The following HOXA2 variants were observed in gnomAD, a reference collection of about 807,000 sequenced individuals.
HOXA2 encodes the protein homeobox protein Hox-A2.
In HOXA2, 4 loss-of-function variants were observed where a neutral mutation model predicts 27.2. That is an observed-to-expected ratio of 0.15 (90% CI 0.07 to 0.34). The LOEUF (loss-of-function observed/expected upper bound fraction) is 0.34. Among genes scored for constraint, HOXA2 ranks in the 10% least tolerant of loss-of-function variants. The pLI, the probability that HOXA2 is intolerant of heterozygous loss-of-function variation, is 1.00. For synonymous variants in HOXA2, 200 were observed against 202.8 expected (o/e 0.99, Z 0.12); for missense variants, 430 against 473.2 (o/e 0.91, Z 0.85).
At position 27,100,371 on chromosome 7, in the gene HOXA2, A is replaced by G; in HGVS notation, c.*355T>C. 4.3e-6 allele frequency: 1 copy of G among 230,426 alleles called. No individual in the cohort carries two copies. The highest frequency in any genetic ancestry group is 8.6e-6 in the Non-Finnish European group (1 of 116,020). The allele number at this position is 230,426 out of a possible 1,614,324, so 14.3% of individuals were successfully genotyped here. A position where few individuals can be genotyped will look rare whatever the true frequency, so the allele number is the denominator to read the frequency against. On this transcript the variant is annotated 3_prime_UTR_variant, in exon 2 of 2. Coordinates refer to ENST00000222718, the MANE Select transcript of HOXA2 (RefSeq NM_006735.4). ...AAATAAGCTACTTATAGCAAAGGAGAATTTATTCTACAAAAAATATGCATG... is the reference window on the plus strand; with the variant it reads ...AAATAAGCTACTTATAGCAAAGGAGGATTTATTCTACAAAAAATATGCATG...
rs773679395 is a variant in HOXA2 at position 27,101,179 on chromosome 7, GTCC to G, written c.675_677del (p.Glu225del). 8 of 1,614,036 alleles carry G rather than the reference GTCC, an allele frequency of 5.0e-6. No individual in the cohort carries two copies. Among genetic ancestry groups the G allele is most frequent in the Middle Eastern group, 1.6e-4 (1 of 6,062 alleles). On this transcript the variant is annotated inframe_deletion, in exon 2 of 2. Coordinates refer to ENST00000222718, the MANE Select transcript of HOXA2 (RefSeq NM_006735.4). The stretch of plus-strand genomic sequence containing the variant: ...GCTCAAAGAGCGTCTTCTCTTCCTC[GTCC>G]TCCTCTACTTTCTCGGAGTCCTCAA...
In HOXA2 at chr7:27,101,229, T is replaced by A. The variant is rs2128034946; in HGVS notation, c.628A>T (p.Ser210Cys). 2.5e-6 allele frequency: 4 copies of A among 1,614,232 alleles called. No individual in the cohort carries two copies. In the East Asian group the frequency reaches 8.9e-5, roughly 36 times the overall value. The stretch of plus-strand genomic sequence containing the variant: ...TCAAGGCTTTTACATTTCCCTTCGC[T>A]GTTTTGGTTTTCCTTGCACTGGGTC... ...RQTQCKENQN[S>C]EGKCKSLEDS... The change falls in exon 2 of 2, where the codon AGC (serine) becomes TGC (cysteine). Residue 210 changes from serine (S) to cysteine (C), a missense_variant. Coordinates refer to ENST00000222718, the MANE Select transcript of HOXA2 (RefSeq NM_006735.4).
intron 1 of HOXA2, 108 bp from the exon 2 acceptor site, chr7:27,101,573 C>A: frequency 7.6e-7 from 1 of 1,313,916 alleles, no homozygotes; most frequent in Non-Finnish European, 1.1e-6. Flanking sequence ...TCAACTGCAA[C>A]AAAATGGCCG....
intron 1 of HOXA2, chr7:27,101,685 C>A (rs992018727): frequency 6.0e-6 from 4 of 666,146 alleles, no homozygotes; most frequent in South Asian, 1.7e-5. Context: ...GTGGCTCCCC[C>A]CAACCTCTTC....
chr7:27,102,403 T>C lies in HOXA2; in HGVS notation c.98A>G (p.Gln33Arg). The C allele has an allele frequency of 6.2e-7, 1 of 1,614,112 alleles. No individual in the cohort carries two copies. Among genetic ancestry groups the C allele is most frequent in the South Asian group, 1.1e-5 (1 of 91,084 alleles). The change falls in exon 1 of 2, where the codon CAA becomes CGA. Residue 33 changes from glutamine to arginine, a missense_variant. By Grantham distance (43) the Gln-to-Arg change is conservative (BLOSUM62 1). Around this residue, in one of 4 missense-constraint regions of HOXA2, gnomAD observed 166 missense variants for 207.6 expected, o/e 0.80. Coordinates refer to ENST00000222718, the MANE Select transcript of HOXA2 (RefSeq NM_006735.4). The surrounding 1 kb of genome is among the most constrained non-coding windows in gnomAD (Gnocchi z 4.6). ...TSFPPVADTFQSSSIKTSTLS... is the reference protein window; with the variant it reads ...TSFPPVADTFRSSSIKTSTLS... ...CGTCGAGGTCTTGATTGATGAACTTTGAAATGTATCAGCGACAGGGGGAAA... is the reference window on the plus strand; with the variant it reads ...CGTCGAGGTCTTGATTGATGAACTTCGAAATGTATCAGCGACAGGGGGAAA...
At position 27,101,309 on chromosome 7, in the gene HOXA2, G is replaced by T; in HGVS notation, c.548C>A (p.Thr183Asn). The T allele has an allele frequency of 6.2e-7, 1 of 1,614,132 alleles. No individual in the cohort carries two copies. The highest frequency in any genetic ancestry group is 1.6e-4 in the Middle Eastern group (1 of 6,062). ...RVEIAALLDL[T>N]ERQVKVWFQN... ...AAACCACACTTTCACTTGTCTCTCA[G>T]TCAAATCCAGCAGCGCTGCAATCTC... The change falls in exon 2 of 2, where the codon ACT becomes AAT. Residue 183 changes from threonine (T) to asparagine (N), a missense_variant. By Grantham distance (65) the Thr-to-Asn change is moderately conservative. Coordinates refer to ENST00000222718, the MANE Select transcript of HOXA2 (RefSeq NM_006735.4).
In HOXA2 at chr7:27,101,197, G is replaced by C. The variant is rs762305952; in HGVS notation, c.660C>G (p.Ser220=). 8.5e-5 allele frequency: 137 copies of C among 1,613,962 alleles called. No individual in the cohort carries two copies. Among genetic ancestry groups the C allele is most frequent in the Non-Finnish European group, 1.1e-4 (130 of 1,180,018 alleles). Residue 220 remains serine (S), a synonymous_variant, in exon 2 of 2, where the codon TCC becomes TCG. Coordinates refer to ENST00000222718, the MANE Select transcript of HOXA2 (RefSeq NM_006735.4). ...CTTCCTCGTCCTCCTCTACTTTCTC[G>C]GAGTCCTCAAGGCTTTTACATTTCC... ...SEGKCKSLED[S]EKVEEDEEEK...
rs746750068 is a variant in HOXA2, at chr7:27,102,260, G to A, written c.241C>T (p.Arg81Cys). ...GCGCCGGCGGGCACCGGGCTGCCGC[G>A]GCTGCCCGCGGGGCTCGGCTTGGGG... is the stretch of plus-strand genomic sequence containing the variant. The part of the protein sequence containing the change: ...GRPKPSPAGS[R>C]GSPVPAGALQ... Residue 81 changes from arginine (R) to cysteine (C), a missense_variant, in exon 1 of 2, where the codon CGC becomes TGC. Arg to Cys is a radical substitution (Grantham distance 180). Around this residue, in one of 4 missense-constraint regions of HOXA2, gnomAD observed 166 missense variants for 207.6 expected, o/e 0.80. Transcript: ENST00000222718. The surrounding 1 kb of genome is among the most constrained non-coding windows in gnomAD (Gnocchi z 4.6). The A allele has an allele frequency of 6.6e-7, 1 of 1,516,314 alleles. No individual in the cohort carries two copies. The highest frequency in any genetic ancestry group is 8.8e-7 in the Non-Finnish European group (1 of 1,132,758). 93.9% of individuals were successfully genotyped at this position (1,516,314 alleles called of 1,614,324 possible).
rs1370379867 is a variant in HOXA2, at chr7:27,101,244, T to G, written c.613A>C (p.Lys205Gln). ...RMKHKRQTQC[K>Q]ENQNSEGKCK... Reference sequence around the variant, plus strand: ...TTCCCTTCGCTGTTTTGGTTTTCCTTGCACTGGGTCTGCCTCTTGTGCTTC... The same window carrying G: ...TTCCCTTCGCTGTTTTGGTTTTCCTGGCACTGGGTCTGCCTCTTGTGCTTC... Residue 205 changes from lysine to glutamine, a missense_variant, in exon 2 of 2, where the codon AAG becomes CAG. Physicochemically the swap from Lys to Gln is moderately conservative, Grantham distance 53. Transcript: ENST00000222718. 1.2e-6 allele frequency: 2 copies of G among 1,614,106 alleles called. No homozygotes were observed. Among genetic ancestry groups the G allele is most frequent in the Non-Finnish European group, 1.7e-6 (2 of 1,180,026 alleles).
chr7:27,102,419 CA>C lies in HOXA2; in HGVS notation c.81del (p.Val28SerfsTer20), dbSNP rs1195270929. 2 of 1,614,008 alleles carry C rather than the reference CA, an allele frequency of 1.2e-6. No individual in the cohort carries two copies. Among genetic ancestry groups the C allele is most frequent in the Non-Finnish European group, 1.7e-6 (2 of 1,180,010 alleles). ...GATGAACTTTGAAATGTATCAGCGACAGGGGGAAAAGATGTCAGGCACTCAG... is the reference window on the plus strand; with the variant it reads ...GATGAACTTTGAAATGTATCAGCGACGGGGGAAAAGATGTCAGGCACTCAG... The part of the protein sequence containing the change: ...SLAECLTSFP[P>X]VADTFQSSSI... On this transcript the variant is annotated frameshift_variant, in exon 1 of 2. Coordinates refer to ENST00000222718, the MANE Select transcript of HOXA2 (RefSeq NM_006735.4). This position sits in a 1 kb window ranked among gnomAD's most constrained non-coding sequence, Gnocchi z 4.6.
chr7:27,101,017 A>T lies in HOXA2; in HGVS notation c.840T>A (p.Asn280Lys). The change falls in exon 2 of 2, where the codon AAT becomes AAA. Residue 280 changes from asparagine to lysine, a missense_variant. By Grantham distance (94) the Asn-to-Lys change is moderately conservative. Transcript: ENST00000222718. ...GCTGAAAATGTTTCAGATTTTTCTC[A>T]TTGCTGGTTAAAGGCGAGACTGGGA... ...QSFPVSPLTS[N>K]EKNLKHFQHQ... 1 of 1,614,222 alleles carries T rather than the reference A, an allele frequency of 6.2e-7. No individual in the cohort carries two copies. Among genetic ancestry groups the T allele is most frequent in the South Asian group, 1.1e-5 (1 of 91,090 alleles).
intron 1 of HOXA2, 184 bp from the exon 2 acceptor site, chr7:27,101,649 C>T: frequency 6.9e-6 from 5 of 723,040 alleles, no homozygotes; most frequent in South Asian, 1.6e-5. Context: ...GACCCCGTCT[C>T]CTCCATCTCT....
At position 27,101,061 on chromosome 7, in the gene HOXA2, T is replaced by C. The variant is rs1007473608; in HGVS notation, c.796A>G (p.Asn266Asp). 1 of 1,614,200 alleles carries C rather than the reference T, an allele frequency of 6.2e-7. No individual in the cohort carries two copies. ...LSQQQAPNGH[N>D]GDSQSFPVSP... ...ACTGGGAAACTTTGGGAGTCGCCAT[T>C]GTGTCCATTGGGAGCCTGCTGCTGA... The change falls in exon 2 of 2, where the codon AAT becomes GAT. Residue 266 changes from asparagine to aspartate, a missense_variant. By Grantham distance (23) the Asn-to-Asp change is conservative. Transcript: ENST00000222718.
chr7:27,101,815 A>T, intron 1 of HOXA2: 1 of 692,618 alleles, frequency 1.4e-6, no homozygotes, highest in Non-Finnish European at 2.6e-6. Flanking sequence ...CTCTAGGACA[A>T]CTAGACAGGA....
rs772978908 is a variant in HOXA2, at chr7:27,102,029, C to T, written c.391+81G>A. 1.3e-6 allele frequency: 2 copies of T among 1,569,086 alleles called. No homozygotes were observed. Among genetic ancestry groups the T allele is most frequent in the East Asian group, 4.6e-5 (2 of 43,902 alleles). ...CCTCCTTCTCTCCCAGCCCACTCTC[C>T]CCTCCCCCCACAGCCACTCTCGGGG... is the stretch of plus-strand genomic sequence containing the variant. On this transcript the variant is annotated intron_variant, in intron 1 of 1. Coordinates refer to ENST00000222718, the MANE Select transcript of HOXA2 (RefSeq NM_006735.4). This position sits in a 1 kb window ranked among gnomAD's most constrained non-coding sequence, Gnocchi z 4.6.
Position 27,101,103 on chromosome 7 carries a change from GAA to G in HOXA2, c.752_753del (p.Phe251SerfsTer30). 6.2e-7 allele frequency: 1 copy of G among 1,614,216 alleles called. No homozygotes were observed. The highest frequency in any genetic ancestry group is 8.5e-7 in the Non-Finnish European group (1 of 1,180,036). On this transcript the variant is annotated frameshift_variant, in exon 2 of 2. Coordinates refer to ENST00000222718, the MANE Select transcript of HOXA2 (RefSeq NM_006735.4). ...TGCTGCTGAGAGAGGGCATTTTGCT[GAA>G]AAGTGTAGCCTTCCCTCTCCAGAAG... ...GALLEREGYTFQQNALSQQQA... is the reference protein window; with the variant it reads ...GALLEREGYTXQQNALSQQQA...
At position 27,102,141 on chromosome 7, in the gene HOXA2, T is replaced by TGCG. The variant is rs1783938678; in HGVS notation, c.357_359dup (p.Ala121dup). On this transcript the variant is annotated inframe_insertion, in exon 1 of 2. Coordinates refer to ENST00000222718, the MANE Select transcript of HOXA2 (RefSeq NM_006735.4). The surrounding 1 kb of genome is among the most constrained non-coding windows in gnomAD (Gnocchi z 4.6). ...GGCTGAGGCAAGCAGGGCCGGTGGC[T>TGCG]GCGGCGGTGGCGGCGGCGGCGGCGG... 1 of 1,597,174 alleles carries TGCG rather than the reference T, an allele frequency of 6.3e-7. No individual in the cohort carries two copies. The highest frequency in any genetic ancestry group is 2.3e-5 in the East Asian group (1 of 44,402).
chr7:27,101,541 A>G, intron 1 of HOXA2, 76 bp from the exon 2 acceptor site: 1 of 1,504,386 alleles, frequency 6.6e-7, no homozygotes, highest in Non-Finnish European at 9.1e-7. Flanking sequence ...ATTCCACTGG[A>G]GAATAAATAT....
In HOXA2 at chr7:27,102,149, T is replaced by TGGC. The variant is rs748552806; in HGVS notation, c.349_351dup (p.Ala117dup). ...CAAGCAGGGCCGGTGGCTGCGGCGG[T>TGGC]GGCGGCGGCGGCGGCGGCCGGCAGA... On this transcript the variant is annotated inframe_insertion, in exon 1 of 2. Coordinates refer to ENST00000222718, the MANE Select transcript of HOXA2 (RefSeq NM_006735.4). This position sits in a 1 kb window ranked among gnomAD's most constrained non-coding sequence, Gnocchi z 4.6. 122 of 1,590,858 alleles carry TGGC rather than the reference T, an allele frequency of 7.7e-5. 1 individual carries two copies. The East Asian group carries it at 7.9e-4, about 10-fold the overall frequency.
Sources: gnomAD v4.1 joint callset for allele counts on GRCh38, gnomAD v4.1.1 for gene constraint, gnomAD v4.1.1 regional missense constraint, Gnocchi (gnomAD v3.1) non-coding constraint, MANE v1.5 for transcripts, NCBI Gene and HGNC (gene_info 2026-07-23, HGNC 2026-07-21) for gene names.